The following NELL1 variants were observed in gnomAD, a reference collection of about 807,000 sequenced individuals.
NELL1 encodes the protein protein kinase C-binding protein NELL1.
A neutral mutation model predicts 107.4 loss-of-function variants in NELL1; 76 were observed. The ratio of observed to expected loss-of-function variants is 0.71; its 90% confidence interval spans 0.59 to 0.86. The LOEUF (loss-of-function observed/expected upper bound fraction) is 0.86. Ranked by LOEUF, NELL1 falls within the 40% of genes least tolerant of loss-of-function variation. The probability of loss-of-function intolerance (pLI) is 0.00; values close to 1 mark genes in which losing one functional copy is unlikely to be tolerated. For missense variants in NELL1, 1,024 were observed against 1,005.5 expected (o/e 1.02, Z -0.25); for synonymous variants, 353 against 341.2 (o/e 1.03, Z -0.38).
chr11:21,491,805 C>T (rs1270382016), intron 15 of NELL1, among the ~76,000 whole-genome samples: 44 of 152,140 alleles, frequency 2.9e-4, no homozygotes, highest in Non-Finnish European at 3.1e-4. Context: ...GCCATTTTCA[C>T]GATATTGATT....
intron 4 of NELL1, among the ~76,000 whole-genome samples, chr11:20,885,061 C>A (rs1348834541): frequency 6.6e-6 from 1 of 152,222 alleles, no homozygotes; most frequent in Non-Finnish European, 1.5e-5. Context: ...GATAAGAGTT[C>A]TTATCCCAAC....
At chr11:20,706,211 T>C (rs978057297) in intron 2 of NELL1, among the ~76,000 whole-genome samples, 1 of 152,150 alleles carries the variant, frequency 6.6e-6, no homozygotes, top group Non-Finnish European at 1.5e-5. Context: ...TAAAGACACA[T>C]GCACACATAT....
chr11:21,008,941 A>G (rs1025676637), intron 12 of NELL1, among the ~76,000 whole-genome samples: 3 of 152,166 alleles, frequency 2.0e-5, no homozygotes, highest in Non-Finnish European at 2.9e-5. Context: ...TGCAGCATTC[A>G]GTGTGTCAAG....
intron 12 of NELL1, among the ~76,000 whole-genome samples, chr11:21,074,751 A>T (rs756248): frequency 0.76 from 116,157 of 151,930 alleles, 44,692 homozygotes; most frequent in East Asian, 1. Flanking sequence ...AACTTTTTTT[A>T]AAAAAGGTTT....
chr11:21,352,412 A>G (rs1850837920), intron 14 of NELL1, among the ~76,000 whole-genome samples: 1 of 152,116 alleles, frequency 6.6e-6, no homozygotes, highest in Admixed American at 6.5e-5. Flanking sequence ...TAGTTTTTGA[A>G]TGGATGGATG....
chr11:20,900,243 A>G (rs957809302), intron 5 of NELL1, among the ~76,000 whole-genome samples: 7 of 152,144 alleles, frequency 4.6e-5, no homozygotes, highest in Non-Finnish European at 1.0e-4. Flanking sequence ...TGATCATGGA[A>G]TAAAGTTTCA....
intron 3 of NELL1, among the ~76,000 whole-genome samples, chr11:20,841,705 A>G (rs555512462): frequency 6.6e-6 from 1 of 152,268 alleles, no homozygotes; most frequent in South Asian, 2.1e-4. Context: ...GATGGCAGTG[A>G]AGTTGCTCTG....
At chr11:21,041,610 C>A (rs553611603) in intron 12 of NELL1, among the ~76,000 whole-genome samples, 9 of 152,080 alleles carry the variant, frequency 5.9e-5, no homozygotes, top group Non-Finnish European at 1.0e-4. Context: ...TTTGAGCTCA[C>A]CTGGGTCTGA....
intron 15 of NELL1, among the ~76,000 whole-genome samples, chr11:21,448,383 A>G (rs1458071629): frequency 6.6e-6 from 1 of 152,020 alleles, no homozygotes; most frequent in Admixed American, 6.6e-5. Flanking sequence ...ATTTTGTTCT[A>G]CCCAGTGATT....
At chr11:20,848,600 A>G (rs925327881) in intron 4 of NELL1, among the ~76,000 whole-genome samples, 3 of 152,134 alleles carry the variant, frequency 2.0e-5, no homozygotes, top group African/African-American at 7.2e-5. Flanking sequence ...GATTCTCATT[A>G]ATGATGCCAT....
At chr11:21,002,710 T>A (rs1175180169) in intron 12 of NELL1, among the ~76,000 whole-genome samples, 7 of 152,208 alleles carry the variant, frequency 4.6e-5, no homozygotes, top group Non-Finnish European at 7.3e-5. Context: ...GTATTGTGGA[T>A]CTAAGCCAGT....
At chr11:20,982,502 C>T (rs1206957316) in intron 12 of NELL1, among the ~76,000 whole-genome samples, 3 of 152,168 alleles carry the variant, frequency 2.0e-5, no homozygotes, top group Non-Finnish European at 4.4e-5. Context: ...ATCAAAACCC[C>T]AGGTTCCTTA....
chr11:21,075,064 T>G (rs934709544), intron 12 of NELL1, among the ~76,000 whole-genome samples: 1 of 152,204 alleles, frequency 6.6e-6, no homozygotes, highest in African/African-American at 2.4e-5. Flanking sequence ...CTTCCCTCTT[T>G]CCTGTGTAGG....
chr11:20,705,244 G>A (rs921019199), intron 2 of NELL1, among the ~76,000 whole-genome samples: 6 of 152,086 alleles, frequency 3.9e-5, no homozygotes, highest in South Asian at 2.1e-4. Context: ...GATGCATCAC[G>A]CTACCTGACT....
chr11:21,172,114 C>T (rs758859848), intron 13 of NELL1, among the ~76,000 whole-genome samples: 3 of 151,522 alleles, frequency 2.0e-5, no homozygotes, highest in Non-Finnish European at 4.4e-5. Context: ...AAAACTGCAC[C>T]GCAAAGGGTA....
intron 13 of NELL1, among the ~76,000 whole-genome samples, chr11:21,202,899 T>G (rs1249952420): frequency 6.6e-6 from 1 of 151,916 alleles, no homozygotes; most frequent in East Asian, 1.9e-4. Context: ...AGTCATTCGG[T>G]AGCAGGTTGT....
At chr11:20,742,217 G>A (rs140177759) in intron 2 of NELL1, among the ~76,000 whole-genome samples, 500 of 152,332 alleles carry the variant, frequency 3.3e-3, no homozygotes, top group Middle Eastern at 0.017. Flanking sequence ...TGTTGGGAAT[G>A]AAGTGCTGTG....
intron 15 of NELL1, among the ~76,000 whole-genome samples, chr11:21,451,196 A>AAG (rs1853573375): frequency 7.1e-6 from 1 of 140,312 alleles, no homozygotes; most frequent in Non-Finnish European, 1.5e-5. Context: ...AAAAAAAAAA[A>AAG]AAAAAAGAAA....
intron 17 of NELL1, among the ~76,000 whole-genome samples, chr11:21,568,548 A>C (rs1302736546): frequency 7.2e-6 from 1 of 139,698 alleles, no homozygotes; most frequent in Non-Finnish European, 1.5e-5. Context: ...GTGTAATAAC[A>C]CTTAGTTTAA....
Sources: allele counts gnomAD v4.1 joint callset (sites outside exome capture counted in the v4.1 genomes callset), GRCh38; gene constraint gnomAD v4.1.1; transcripts MANE v1.5; gene names NCBI Gene and HGNC (gene_info 2026-07-23, HGNC 2026-07-21).